Variants in KANSL2 observed in about 807,000 individuals in gnomAD.
KANSL2 encodes KAT8 regulatory NSL complex subunit 2.
KANSL2 carries 34 observed loss-of-function variants against 55.6 expected under a neutral mutation model. The observed-to-expected ratio is 0.61, with a 90% CI of 0.46 to 0.81. KANSL2 has a LOEUF of 0.81. KANSL2 is among the 40% of genes least tolerant of loss of function. KANSL2 has a pLI of 0.00. For synonymous variants in KANSL2, 209 were observed against 214.3 expected (o/e 0.98, Z 0.22); for missense variants, 502 against 609.9 (o/e 0.82, Z 1.86).
Position 48,660,608 on chromosome 12 carries a change from C to T in KANSL2, c.985G>A (p.Asp329Asn), listed in dbSNP as rs1333875226. 6.2e-7 allele frequency: 1 copy of T among 1,612,178 alleles called. No homozygotes were observed. Among genetic ancestry groups the T allele is most frequent in the African/African-American group, 1.3e-5 (1 of 75,018 alleles). The change falls in exon 8 of 10, where the codon GAT becomes AAT. Residue 329 changes from aspartate to asparagine, a missense_variant. Transcript: ENST00000420613. ...TRHCLTHICQ[D>N]TNQVLFKCCQ... Reference sequence around the variant, plus strand: ...CACTTGAAGAGAACCTGATTCGTATCCTGACAAATATCTGTAGAAAAATGG... The same window carrying T: ...CACTTGAAGAGAACCTGATTCGTATTCTGACAAATATCTGTAGAAAAATGG...
At chr12:48,679,530 G>A in intron 3 of KANSL2, 125 bp downstream of exon 3, 1 of 754,770 alleles carries the variant, frequency 1.3e-6, no homozygotes, top group Non-Finnish European at 2.1e-6. Context: ...AGCAATCCCA[G>A]CATTCTCACC....
At chr12:48,669,051 T>C in intron 6 of KANSL2, 55 bp downstream of exon 6, 1 of 1,366,966 alleles carries the variant, frequency 7.3e-7, no homozygotes, top group Non-Finnish European at 9.6e-7. Context: ...CTCGAAAAAA[T>C]AAAAACAATA....
intron 7 of KANSL2, among the ~76,000 whole-genome samples, chr12:48,664,500 G>A (rs1202341168): frequency 1.3e-5 from 2 of 150,696 alleles, no homozygotes; most frequent in African/African-American, 2.4e-5. Context: ...GGATGGTCTC[G>A]ACCTCCTGAC....
chr12:48,672,409 GTATA>G (rs10622680), intron 4 of KANSL2, among the ~76,000 whole-genome samples: 46 of 123,368 alleles, frequency 3.7e-4, no homozygotes, highest in East Asian at 7.3e-4. Flanking sequence ...ATATATATAC[GTATA>G]TATATATATA....
intron 7 of KANSL2, among the ~76,000 whole-genome samples, chr12:48,664,426 C>A (rs1221500824): frequency 6.6e-6 from 1 of 151,440 alleles, no homozygotes; most frequent in African/African-American, 2.4e-5. Flanking sequence ...ACTACAGGCG[C>A]CCACCACCGC....
In KANSL2 at chr12:48,669,158, T is replaced by C; in HGVS notation, c.824A>G (p.His275Arg). 6.4e-7 allele frequency: 1 copy of C among 1,551,804 alleles called. No homozygotes were observed. The highest frequency in any genetic ancestry group is 8.7e-7 in the Non-Finnish European group (1 of 1,147,010). Residue 275 changes from histidine to arginine, a missense_variant, in exon 6 of 10, where the codon CAT becomes CGT. Coordinates refer to ENST00000420613, the MANE Select transcript of KANSL2 (RefSeq NM_017822.4). ...RQRYGVEALLHRQLKERRMLA... is the reference protein window; with the variant it reads ...RQRYGVEALLRRQLKERRMLA... Reference sequence around the variant, plus strand: ...CATTCTCCGTTCCTTCAACTGCCTATGCAGTAAGGCTTCCACTCCATAGCG... The same window carrying C: ...CATTCTCCGTTCCTTCAACTGCCTACGCAGTAAGGCTTCCACTCCATAGCG...
At chr12:48,663,879 T>C (rs1466573029) in intron 7 of KANSL2, among the ~76,000 whole-genome samples, 3 of 151,884 alleles carry the variant, frequency 2.0e-5, no homozygotes, top group Non-Finnish European at 4.4e-5. Flanking sequence ...GCCAACTGTA[T>C]TTATAGTGAA....
chr12:48,679,796 G>A lies in KANSL2; in HGVS notation c.289C>T (p.Leu97=). The A allele has an allele frequency of 6.2e-7, 1 of 1,607,490 alleles. No individual in the cohort carries two copies. The highest frequency in any genetic ancestry group is 8.5e-7 in the Non-Finnish European group (1 of 1,176,778). ...FCAEHVRRNA[L]ALHAQMKKTN... Reference sequence around the variant, plus strand: ...TTCTTCATTTGAGCATGAAGTGCCAGGGCATTCCTACGGACATGTTCAGCA... The same window carrying A: ...TTCTTCATTTGAGCATGAAGTGCCAAGGCATTCCTACGGACATGTTCAGCA... Residue 97 remains leucine, a synonymous_variant, in exon 3 of 10, where the codon CTG becomes TTG. Transcript: ENST00000420613.
intron 4 of KANSL2, among the ~76,000 whole-genome samples, chr12:48,672,426 TATA>T (rs1381577980): frequency 3.5e-5 from 4 of 115,782 alleles, no homozygotes; most frequent in South Asian, 2.6e-4. Flanking sequence ...TATATATATA[TATA>T]TATATTTTTT....
rs763067276 is a variant in KANSL2 at position 48,662,628 on chromosome 12, GGTCACCAATGGCA to G, written c.974-2022_974-2010del. On this transcript the variant is annotated intron_variant, in intron 7 of 9. Transcript: ENST00000420613. Reference sequence around the variant, plus strand: ...ATTAGACCACAGTAAAGAGTTAACAGGTCACCAATGGCAGTCGCATCTTTCTCTGGGATAAGGA... The same window carrying G: ...ATTAGACCACAGTAAAGAGTTAACAGGTCGCATCTTTCTCTGGGATAAGGA... 1.3e-5 allele frequency: 17 copies of G among 1,287,756 alleles called. 1 individual carries two copies. In the South Asian group the frequency reaches 2.1e-4, roughly 16 times the overall value. 79.8% of individuals were successfully genotyped at this position (1,287,756 alleles called of 1,614,324 possible). A position where few individuals can be genotyped will look rare whatever the true frequency, so the allele number is the denominator to read the frequency against.
rs1179299937 is a variant in KANSL2 at position 48,654,044 on chromosome 12, T to G, written c.1479A>C (p.Ter493CysextTer1). Reference sequence around the variant, plus strand: ...CAAAGTAAAATGGTTCCCCAAACTATCAACTAATAGAAGTGGGTTCTGGCT... The same window carrying G: ...CAAAGTAAAATGGTTCCCCAAACTAGCAACTAATAGAAGTGGGTTCTGGCT... ...NGKPEPTSIS* is the reference protein window; with the variant it reads ...NGKPEPTSISC The change falls in exon 10 of 10, where the codon TGA (stop) becomes TGC (cysteine). Residue 493 changes from the stop codon to cysteine (C), a stop_lost. Transcript: ENST00000420613. 3 of 1,578,650 alleles carry G rather than the reference T, an allele frequency of 1.9e-6. No homozygotes were observed. In the African/African-American group the frequency reaches 4.1e-5, roughly 22 times the overall value.
intron 6 of KANSL2, 22 bp downstream of exon 6, chr12:48,669,084 T>A: frequency 6.6e-7 from 1 of 1,514,060 alleles, no homozygotes; most frequent in South Asian, 1.3e-5. Flanking sequence ...GTATATACCT[T>A]AAAGGTATAC....
In KANSL2 at chr12:48,679,718, C is replaced by A. The variant is rs1417917853; in HGVS notation, c.367G>T (p.Ala123Ser). The A allele has an allele frequency of 6.2e-7, 1 of 1,612,934 alleles. No individual in the cohort carries two copies. The highest frequency in any genetic ancestry group is 8.5e-7 in the Non-Finnish European group (1 of 1,179,432). The change falls in exon 3 of 10, where the codon GCT (alanine) becomes TCT (serine). Residue 123 changes from alanine to serine, a missense_variant. Coordinates refer to ENST00000420613, the MANE Select transcript of KANSL2 (RefSeq NM_017822.4). ...ETLLCQLSSY[A>S]KTELGSQTPE... ...GTCTGAGACCCCAGCTCTGTCTTAG[C>A]ATATGAGCTCAGCTGGCACAGGAGT...
intron 2 of KANSL2, among the ~76,000 whole-genome samples, chr12:48,680,477 C>A (rs1220110190): frequency 6.6e-6 from 1 of 152,118 alleles, no homozygotes; most frequent in African/African-American, 2.4e-5. Flanking sequence ...CAGGCATGAG[C>A]CACTGCGACC....
intron 7 of KANSL2, among the ~76,000 whole-genome samples, chr12:48,663,413 A>G (rs1266144464): frequency 6.6e-6 from 1 of 152,194 alleles, no homozygotes; most frequent in East Asian, 1.9e-4. Context: ...AAACAAATAT[A>G]TGTACAAATA....
chr12:48,679,957 A>C (rs952837698), intron 2 of KANSL2, 124 bp from the exon 3 acceptor site: 14 of 880,090 alleles, frequency 1.6e-5, no homozygotes, highest in Non-Finnish European at 1.7e-5. Context: ...ATTTCTAAAA[A>C]TGCAAGTCAG....
At chr12:48,678,416 C>T (rs1317951971) in intron 4 of KANSL2, among the ~76,000 whole-genome samples, 1 of 152,030 alleles carries the variant, frequency 6.6e-6, no homozygotes, top group East Asian at 1.9e-4. Flanking sequence ...CTTTCTTAGG[C>T]ATGAAACCAA....
At chr12:48,667,824 AAAAGAACACAC>A (rs1939631517) in intron 6 of KANSL2, 35 bp from the exon 7 acceptor site, 1 of 1,400,640 alleles carries the variant, frequency 7.1e-7, no homozygotes, top group South Asian at 1.2e-5. Context: ...ATAGACCCAC[AAAAGAACACAC>A]AAACAATTAC....
At chr12:48,675,652 T>C (rs143281140) in intron 4 of KANSL2, among the ~76,000 whole-genome samples, 67 of 152,358 alleles carry the variant, frequency 4.4e-4, no homozygotes, top group Non-Finnish European at 8.7e-4. Flanking sequence ...TGTACCTATC[T>C]GAAGCCATTA....
Sources: gnomAD v4.1 joint callset for allele counts (sites outside exome capture counted in the v4.1 genomes callset) on GRCh38, gnomAD v4.1.1 for gene constraint, MANE v1.5 for transcripts, NCBI Gene and HGNC (gene_info 2026-07-23, HGNC 2026-07-21) for gene names.